The following ZHX2 variants were observed in gnomAD, a reference collection of about 807,000 sequenced individuals.
ZHX2 encodes the protein zinc fingers and homeoboxes 2, also known as zinc fingers and homeoboxes protein 2.
In ZHX2, 6 loss-of-function variants were observed where a neutral mutation model predicts 21.9. The observed-to-expected ratio is 0.27, with a 90% CI of 0.15 to 0.54. ZHX2 has a LOEUF of 0.54. Among genes scored for constraint, ZHX2 ranks in the 20% least tolerant of loss-of-function variants. ZHX2 has a pLI of 0.95. For synonymous variants in ZHX2, 434 were observed against 437.1 expected (o/e 0.99, Z 0.09); for missense variants, 908 against 1,090.7 (o/e 0.83, Z 2.36).
At chr8:122,862,885 C>G (rs1018730339) in intron 1 of ZHX2, among the ~76,000 whole-genome samples, 1 of 152,144 alleles carries the variant, frequency 6.6e-6, no homozygotes, top group Admixed American at 6.5e-5. Context: ...AGGGCTCAGG[C>G]CCCAACTTGC....
chr8:122,966,452 A>T (rs781524051), intron 3 of ZHX2, among the ~76,000 whole-genome samples: 14 of 152,140 alleles, frequency 9.2e-5, no homozygotes, highest in Non-Finnish European at 1.6e-4. Context: ...ACTGGTAATT[A>T]TTTTGTTTAA....
intron 1 of ZHX2, among the ~76,000 whole-genome samples, chr8:122,812,509 C>T (rs1462741949): frequency 6.6e-6 from 1 of 152,162 alleles, no homozygotes. Flanking sequence ...AGCTAGGGTT[C>T]GGGTTCCCTG....
intron 2 of ZHX2, among the ~76,000 whole-genome samples, chr8:122,905,239 C>T (rs1166903525): frequency 1.3e-5 from 2 of 152,172 alleles, no homozygotes; most frequent in Non-Finnish European, 2.9e-5. Flanking sequence ...TACAATAAGA[C>T]ACATCATACT....
intron 2 of ZHX2, among the ~76,000 whole-genome samples, chr8:122,888,824 A>G (rs905699433): frequency 6.6e-6 from 1 of 152,212 alleles, no homozygotes; most frequent in African/African-American, 2.4e-5. Flanking sequence ...ACAGTGCTGT[A>G]GAACACTAGA....
At chr8:122,925,696 G>C (rs965569680) in intron 2 of ZHX2, among the ~76,000 whole-genome samples, 1 of 152,322 alleles carries the variant, frequency 6.6e-6, no homozygotes, top group African/African-American at 2.4e-5. Flanking sequence ...TAGAGGTGGA[G>C]GAGGGCAGAG....
chr8:122,956,591 A>G (rs923956040), intron 3 of ZHX2, among the ~76,000 whole-genome samples: 1 of 152,204 alleles, frequency 6.6e-6, no homozygotes, highest in Non-Finnish European at 1.5e-5. Context: ...GTCCAGAGAC[A>G]AGAAAAGGAA....
Position 122,953,843 on chromosome 8 carries a change from A to T in ZHX2, c.2333A>T (p.Asp778Val), listed in dbSNP as rs1419551795. The T allele has an allele frequency of 6.2e-7, 1 of 1,614,216 alleles. No homozygotes were observed. The highest frequency in any genetic ancestry group is 8.5e-7 in the Non-Finnish European group (1 of 1,180,024). Residue 778 changes from aspartate to valine, a missense_variant, in exon 3 of 4, where the codon GAC becomes GTC. Asp to Val is a radical substitution (Grantham distance 152). This residue lies in a region of ZHX2 where 431 missense variants were observed against 428.6 expected (regional missense o/e 1.01). Coordinates refer to ENST00000314393, the MANE Select transcript of ZHX2 (RefSeq NM_014943.5). This position sits in a 1 kb window ranked among gnomAD's most constrained non-coding sequence, Gnocchi z 4.6. The stretch of plus-strand genomic sequence containing the variant: ...GACCGGTCAGAGGGCAGCAGCCGGG[A>T]CGGCCAGGGTAGCGACGAGAACGAG... ...TSDRSEGSSR[D>V]GQGSDENEES...
chr8:122,782,981 G>C lies in ZHX2; in HGVS notation c.-283+1035G>C, dbSNP rs1817323415. On this transcript the variant is annotated intron_variant, in intron 1 of 3. Transcript: ENST00000314393. The surrounding 1 kb of genome is among the most constrained non-coding windows in gnomAD (Gnocchi z 5.3). ...GGAGGCTGCGGAGACGAAGATGAGCGGAAAGTTGGAAACCAGCAGGCATCA... is the reference window on the plus strand; with the variant it reads ...GGAGGCTGCGGAGACGAAGATGAGCCGAAAGTTGGAAACCAGCAGGCATCA... Among the ~76,000 whole-genome samples, 1 of 152,232 alleles carries C rather than the reference G, an allele frequency of 6.6e-6. No individual in the cohort carries two copies.
At chr8:122,912,325 G>A (rs1160331793) in intron 2 of ZHX2, among the ~76,000 whole-genome samples, 1 of 152,186 alleles carries the variant, frequency 6.6e-6, no homozygotes, top group Non-Finnish European at 1.5e-5. Context: ...ACCAGCCACA[G>A]GCTGGCCTGG....
intron 2 of ZHX2, among the ~76,000 whole-genome samples, chr8:122,908,000 G>A (rs540478219): frequency 4.1e-4 from 63 of 152,236 alleles, no homozygotes; most frequent in Non-Finnish European, 6.2e-4. Flanking sequence ...TATAATGAGA[G>A]GGTAACCAGC....
chr8:122,870,663 A>AG (rs1819411414), intron 2 of ZHX2, among the ~76,000 whole-genome samples: 2 of 116,276 alleles, frequency 1.7e-5, no homozygotes, highest in Admixed American at 8.5e-5. Flanking sequence ...AAAAAAAAAA[A>AG]AAAGAAAGAG....
rs537731954 is a variant in ZHX2, at chr8:122,830,630, CTG to C, written c.-282-32844_-282-32843del. On this transcript the variant is annotated intron_variant, in intron 1 of 3. Coordinates refer to ENST00000314393, the MANE Select transcript of ZHX2 (RefSeq NM_014943.5). ...TCGCCTGCATTGTCTGGAAATATGT[CTG>C]TGCCTGCAAGACAGTTATGTTGAGA... 4.7e-4 allele frequency among the ~76,000 whole-genome samples: 71 copies of C among 152,274 alleles called. 1 individual carries two copies. The highest frequency in any genetic ancestry group is 1.7e-3 in the African/African-American group (69 of 41,538).
chr8:122,876,136 C>T (rs1819566339), intron 2 of ZHX2, among the ~76,000 whole-genome samples: 1 of 149,840 alleles, frequency 6.7e-6, no homozygotes, highest in Middle Eastern at 3.2e-3. Flanking sequence ...ATTCACCCCT[C>T]CCTTGATCCC....
rs765458949 is a variant in ZHX2, at chr8:122,833,548, TG to T, written c.-282-29926del. Among the ~76,000 whole-genome samples, 94 of 151,870 alleles carry T rather than the reference TG, an allele frequency of 6.2e-4. 1 individual carries two copies. The highest frequency in any genetic ancestry group is 1.4e-3 in the Admixed American group (21 of 15,276). On this transcript the variant is annotated intron_variant, in intron 1 of 3. Transcript: ENST00000314393. ...TAAGGAGAAGTTGCATGTTTTAAGG[TG>T]GGAGGTTGGAGGAGTAGAAGAAAGT... is the stretch of plus-strand genomic sequence containing the variant.
At chr8:122,846,771 A>C (rs1248394093) in intron 1 of ZHX2, among the ~76,000 whole-genome samples, 1 of 152,112 alleles carries the variant, frequency 6.6e-6, no homozygotes, top group African/African-American at 2.4e-5. Flanking sequence ...CAACCTATAG[A>C]ATTATAAGAT....
intron 2 of ZHX2, among the ~76,000 whole-genome samples, chr8:122,873,961 A>G (rs891380198): frequency 2.0e-5 from 3 of 152,160 alleles, no homozygotes; most frequent in African/African-American, 7.2e-5. Context: ...CTACATCTTT[A>G]AAGGACTCTT....
intron 2 of ZHX2, among the ~76,000 whole-genome samples, chr8:122,907,763 T>G (rs1364018995): frequency 6.6e-6 from 1 of 152,232 alleles, no homozygotes; most frequent in African/African-American, 2.4e-5. Flanking sequence ...CATCAGAGCA[T>G]TGTGAGGATT....
chr8:122,881,197 T>C lies in ZHX2; in HGVS notation c.-220+17658T>C, dbSNP rs565993153. On this transcript the variant is annotated intron_variant, in intron 2 of 3. Coordinates refer to ENST00000314393, the MANE Select transcript of ZHX2 (RefSeq NM_014943.5). ...CCTCATCCTGAGGCATCAGTACCTA[T>C]AAAACCCCTCTAAGCACCTTGACAT... Among the ~76,000 whole-genome samples the C allele has an allele frequency of 2.0e-5, 3 of 152,340 alleles. No individual in the cohort carries two copies. The South Asian group carries it at 6.2e-4, about 32-fold the overall frequency.
chr8:122,935,897 T>C (rs999397113), intron 2 of ZHX2, among the ~76,000 whole-genome samples: 22 of 152,118 alleles, frequency 1.4e-4, no homozygotes, highest in Admixed American at 1.2e-3. Context: ...CACTTACCAC[T>C]CTAAGTTCTT....
Sources: allele counts gnomAD v4.1 joint callset (sites outside exome capture counted in the v4.1 genomes callset), GRCh38; gene constraint gnomAD v4.1.1; regional missense constraint gnomAD v4.1.1; non-coding constraint Gnocchi (gnomAD v3.1); transcripts MANE v1.5; gene names NCBI Gene and HGNC (gene_info 2026-07-23, HGNC 2026-07-21).